The following NMUR2 variants were observed in gnomAD, a reference collection of about 807,000 sequenced individuals.
NMUR2 encodes the protein neuromedin-U receptor 2.
A neutral mutation model predicts 25.1 loss-of-function variants in NMUR2; 24 were observed. The observed-to-expected ratio is 0.96, with a 90% CI of 0.69 to 1.34. The LOEUF (loss-of-function observed/expected upper bound fraction) is 1.34, where lower values mean the gene tolerates loss of function less well. NMUR2 is among the 40% of genes most tolerant of loss of function. The pLI is 0.00. For synonymous variants in NMUR2, 218 were observed against 208.1 expected (o/e 1.05, Z -0.41); for missense variants, 533 against 512.8 (o/e 1.04, Z -0.38).
intron 2 of NMUR2, among the ~76,000 whole-genome samples, chr5:152,396,590 A>C (rs1753154948): frequency 6.6e-6 from 1 of 152,102 alleles, no homozygotes; most frequent in African/African-American, 2.4e-5. Flanking sequence ...ACTACTGCCT[A>C]CAATTCCCTT....
At position 152,398,055 on chromosome 5, in the gene NMUR2, C is replaced by T. The variant is rs777481714; in HGVS notation, c.811+5G>A. 9.3e-6 allele frequency: 15 copies of T among 1,609,354 alleles called. No homozygotes were observed. In the South Asian group the frequency reaches 1.4e-4, roughly 15 times the overall value. ...ACAAAACAAAAAACAAAATGGGGCA[C>T]TTACACAGCATCTTGTTGACTGATT... is the stretch of plus-strand genomic sequence containing the variant. On this transcript the variant is annotated splice_donor_5th_base_variant and intron_variant, in intron 2 of 3. Transcript: ENST00000255262.
In NMUR2 at chr5:152,392,049, T is replaced by G. The variant is rs1455443850; in HGVS notation, c.*142A>C. The G allele has an allele frequency of 1.4e-6, 1 of 709,740 alleles. No homozygotes were observed. The highest frequency in any genetic ancestry group is 2.3e-6 in the Non-Finnish European group (1 of 438,364). The allele number at this position is 709,740 out of a possible 1,614,324, so 44.0% of individuals were successfully genotyped here. On this transcript the variant is annotated 3_prime_UTR_variant, in exon 4 of 4. Transcript: ENST00000255262. ...AGATCTAACTCTCAGTTTTCACGTT[T>G]ATTAAAAAAAAAAAAACTAGCAATG...
At chr5:152,397,164 A>G (rs567995409) in intron 2 of NMUR2, among the ~76,000 whole-genome samples, 1 of 152,134 alleles carries the variant, frequency 6.6e-6, no homozygotes, top group East Asian at 1.9e-4. Flanking sequence ...GAGAAGACCC[A>G]CTTCAGGGAC....
intron 1 of NMUR2, among the ~76,000 whole-genome samples, chr5:152,399,345 C>A (rs1327647494): frequency 6.6e-6 from 1 of 152,112 alleles, no homozygotes; most frequent in Non-Finnish European, 1.5e-5. Flanking sequence ...AGAGGTGTCA[C>A]TAAACTTCAG....
At chr5:152,396,525 A>G (rs1753153556) in intron 2 of NMUR2, among the ~76,000 whole-genome samples, 1 of 152,132 alleles carries the variant, frequency 6.6e-6, no homozygotes. Flanking sequence ...GGTTTCAAAG[A>G]TAACTATAGG....
chr5:152,396,524 G>A (rs1254131694), intron 2 of NMUR2, among the ~76,000 whole-genome samples: 3 of 152,098 alleles, frequency 2.0e-5, no homozygotes, highest in African/African-American at 7.2e-5. Context: ...TGGTTTCAAA[G>A]ATAACTATAG....
In NMUR2 at chr5:152,405,204, A is replaced by G. The variant is rs1753339796; in HGVS notation, c.-91T>C. On this transcript the variant is annotated 5_prime_UTR_variant, in exon 1 of 4. Transcript: ENST00000255262. ...AAAAAAAAGAAAAAAGGAAAACAAAAAAGAGAAAGCAGTCACGAAAGTCAC... is the reference window on the plus strand; with the variant it reads ...AAAAAAAAGAAAAAAGGAAAACAAAGAAGAGAAAGCAGTCACGAAAGTCAC... 5 of 1,434,762 alleles carry G rather than the reference A, an allele frequency of 3.5e-6. No homozygotes were observed. Among genetic ancestry groups the G allele is most frequent in the South Asian group, 1.4e-5 (1 of 70,680 alleles). 88.9% of individuals were successfully genotyped at this position (1,434,762 alleles called of 1,614,324 possible).
intron 1 of NMUR2, among the ~76,000 whole-genome samples, chr5:152,402,558 T>G (rs982247077): frequency 1.3e-5 from 2 of 152,150 alleles, no homozygotes; most frequent in African/African-American, 2.4e-5. Flanking sequence ...AGCCATGGAC[T>G]TTTGATAATA....
chr5:152,404,560 TGGATGCTGGTGTTGGGCA>T lies in NMUR2; in HGVS notation c.536_553del (p.Leu179_Ile184del). On this transcript the variant is annotated inframe_deletion, in exon 1 of 4. Coordinates refer to ENST00000255262, the MANE Select transcript of NMUR2 (RefSeq NM_020167.5). ...GGGGAAGTAGTGGAACTTGATGCCA[TGGATGCTGGTGTTGGGCA>T]GGGAGAAGAGCACGGAGAAGCCCCA... The T allele has an allele frequency of 6.2e-7, 1 of 1,613,962 alleles. No individual in the cohort carries two copies. The highest frequency in any genetic ancestry group is 1.1e-5 in the South Asian group (1 of 91,062).
chr5:152,395,142 A>G (rs533102519), intron 3 of NMUR2, among the ~76,000 whole-genome samples: 1 of 152,276 alleles, frequency 6.6e-6, no homozygotes, highest in South Asian at 2.1e-4. Flanking sequence ...GTGTTTACTA[A>G]ATAAGAACCA....
rs143512907 is a variant in NMUR2, at chr5:152,392,278, G to T, written c.1161C>A (p.Ser387=). 6.2e-7 allele frequency: 1 copy of T among 1,613,826 alleles called. No homozygotes were observed. The highest frequency in any genetic ancestry group is 1.7e-5 in the Admixed American group (1 of 59,980). The stretch of plus-strand genomic sequence containing the variant: ...CTGCTGGGAGGTGAGAGTTGTGCAT[G>T]GATGACTGACATGGGAATTGGGGAC... ...DIGPQFPCQS[S]MHNSHLPAAL... Residue 387 remains serine, a synonymous_variant, in exon 4 of 4, where the codon TCC becomes TCA. Transcript: ENST00000255262.
At chr5:152,401,717 C>G (rs1580890258) in intron 1 of NMUR2, among the ~76,000 whole-genome samples, 1 of 152,162 alleles carries the variant, frequency 6.6e-6, no homozygotes, top group Non-Finnish European at 1.5e-5. Context: ...TGTCTATTTT[C>G]TATCTCTATA....
chr5:152,396,197 AACACACACACAC>A (rs3042430), intron 2 of NMUR2, among the ~76,000 whole-genome samples: 17 of 143,470 alleles, frequency 1.2e-4, no homozygotes, highest in African/African-American at 2.5e-4. Context: ...CCACAAATTA[AACACACACACAC>A]ACACACACAC....
At chr5:152,398,183 G>T (rs1234755695) in intron 1 of NMUR2, 39 bp from the exon 2 acceptor site, 5 of 1,454,356 alleles carry the variant, frequency 3.4e-6, no homozygotes, top group Non-Finnish European at 4.8e-6. Flanking sequence ...GTAAGAAAGA[G>T]AAACATTTTT....
At chr5:152,393,809 A>G (rs1483431686) in intron 3 of NMUR2, among the ~76,000 whole-genome samples, 1 of 152,180 alleles carries the variant, frequency 6.6e-6, no homozygotes, top group Non-Finnish European at 1.5e-5. Flanking sequence ...GGTAAGAGAT[A>G]GTTGAGGAAG....
chr5:152,404,712 G>T lies in NMUR2; in HGVS notation c.402C>A (p.Ile134=). 6.2e-7 allele frequency: 1 copy of T among 1,614,164 alleles called. No individual in the cohort carries two copies. The highest frequency in any genetic ancestry group is 8.5e-7 in the Non-Finnish European group (1 of 1,180,038). ...ALFETVCFAS[I]LSITTVSVER... ...CCACGCTGACGGTGGTGATGCTGAGGATGGAGGCGAAGCACACGGTCTCAA... is the reference window on the plus strand; with the variant it reads ...CCACGCTGACGGTGGTGATGCTGAGTATGGAGGCGAAGCACACGGTCTCAA... The change falls in exon 1 of 4, where the codon ATC becomes ATA. Residue 134 remains isoleucine (I), a synonymous_variant. Coordinates refer to ENST00000255262, the MANE Select transcript of NMUR2 (RefSeq NM_020167.5).
Position 152,391,645 on chromosome 5 carries a change from C to T in NMUR2, c.*546G>A, listed in dbSNP as rs1338624233. ...GAAGAAAGATGCCAGCAGATTTGCTCAACAGCATTGCCACAAACTTTCAAT... is the reference window on the plus strand; with the variant it reads ...GAAGAAAGATGCCAGCAGATTTGCTTAACAGCATTGCCACAAACTTTCAAT... On this transcript the variant is annotated 3_prime_UTR_variant, in exon 4 of 4. Transcript: ENST00000255262. 6.5e-6 allele frequency: 1 copy of T among 153,316 alleles called. No individual in the cohort carries two copies. The highest frequency in any genetic ancestry group is 2.4e-5 in the African/African-American group (1 of 41,550). The allele number at this position is 153,316 out of a possible 1,614,324, so 9.5% of individuals were successfully genotyped here.
Position 152,405,169 on chromosome 5 carries a change from G to GAA in NMUR2, c.-57_-56insTT. ...CGAGGCTCTGTTTCAAGCTGAGCCA[G>GAA]GAAAAAAAAAAAAAAAAGAAAAAAG... On this transcript the variant is annotated 5_prime_UTR_variant, in exon 1 of 4. Transcript: ENST00000255262. The GAA allele has an allele frequency of 8.3e-6, 10 of 1,202,212 alleles. No homozygotes were observed. The highest frequency in any genetic ancestry group is 2.5e-5 in the South Asian group (1 of 39,364). 74.5% of individuals were successfully genotyped at this position (1,202,212 alleles called of 1,614,324 possible).
chr5:152,397,194 T>C (rs9324727), intron 2 of NMUR2, among the ~76,000 whole-genome samples: 1 of 152,144 alleles, frequency 6.6e-6, no homozygotes, highest in African/African-American at 2.4e-5. Context: ...TATTTTTTGT[T>C]CAGAAATGCT....
Sources: allele counts gnomAD v4.1 joint callset (sites outside exome capture counted in the v4.1 genomes callset), GRCh38; gene constraint gnomAD v4.1.1; transcripts MANE v1.5; gene names NCBI Gene and HGNC (gene_info 2026-07-23, HGNC 2026-07-21).